CRACDL: variants seen among roughly 807,000 people sequenced by gnomAD.
The protein encoded by CRACDL is CRACD like.
A neutral mutation model predicts 70.6 loss-of-function variants in CRACDL; 26 were observed. That is an observed-to-expected ratio of 0.37 (90% CI 0.27 to 0.51). The LOEUF is 0.51. Among genes scored for constraint, CRACDL ranks in the 20% least tolerant of loss-of-function variants. The pLI, the probability that CRACDL is intolerant of heterozygous loss-of-function variation, is 0.94. For missense variants in CRACDL, 1,283 were observed against 1,376.9 expected, an observed-to-expected ratio of 0.93 and a Z score of 1.08; for synonymous variants, 618 against 615.2, an observed-to-expected ratio of 1.00 and a Z score of -0.07.
intron 1 of CRACDL, among the ~76,000 whole-genome samples, chr2:98,887,268 G>C (rs562245811): frequency 2.5e-4 from 38 of 152,216 alleles, no homozygotes; most frequent in African/African-American, 9.2e-4. Context: ...CAGGAGAATT[G>C]CTGGTCAGGA....
At position 98,843,584 on chromosome 2, in the gene CRACDL, T is replaced by C. The variant is rs1047352198; in HGVS notation, c.70+3147A>G. ...ATAATCTGTGAGGTATATTTGCATA[T>C]GAATGTCCAATTGTTACAGCACCAT... On this transcript the variant is annotated intron_variant, in intron 2 of 9. Coordinates refer to ENST00000397899, the MANE Select transcript of CRACDL (RefSeq NM_207362.3). 8.5e-5 allele frequency among the ~76,000 whole-genome samples: 13 copies of C among 152,362 alleles called. No homozygotes were observed. The South Asian group carries it at 2.7e-3, about 32-fold the overall frequency.
intron 6 of CRACDL, among the ~76,000 whole-genome samples, chr2:98,825,918 C>T (rs1158269239): frequency 6.6e-6 from 1 of 152,236 alleles, no homozygotes; most frequent in Admixed American, 6.5e-5. Context: ...CCTAGCCCAA[C>T]TGTCTCCAGC....
chr2:98,835,257 T>C (rs1361787932), intron 3 of CRACDL, among the ~76,000 whole-genome samples: 2 of 152,228 alleles, frequency 1.3e-5, no homozygotes, highest in Non-Finnish European at 2.9e-5. Context: ...CTATATCCAC[T>C]GGAAAGGTTT....
At chr2:98,902,090 C>A (rs1437141893) in intron 1 of CRACDL, among the ~76,000 whole-genome samples, 1 of 152,132 alleles carries the variant, frequency 6.6e-6, no homozygotes, top group African/African-American at 2.4e-5. Context: ...AGGGAACAAC[C>A]AGGGCTAGTG....
chr2:98,865,745 G>A (rs1175436101), intron 1 of CRACDL, among the ~76,000 whole-genome samples: 7 of 151,774 alleles, frequency 4.6e-5, no homozygotes, highest in Non-Finnish European at 8.8e-5. Flanking sequence ...CGTCAAGACC[G>A]GACCTCACTG....
intron 7 of CRACDL, 134 bp downstream of exon 7, chr2:98,821,723 G>A: frequency 8.5e-7 from 1 of 1,177,958 alleles, no homozygotes; most frequent in South Asian, 1.5e-5. Context: ...GATGTTAGTG[G>A]GAATTCTGAC....
At position 98,823,022 on chromosome 2, in the gene CRACDL, G is replaced by A. The variant is rs1397389696; in HGVS notation, c.1251C>T (p.Asp417=). ...AGGGCGCCTCTGAGGTGGCGGCGGG[G>A]TCAGTCTCGGGGGGAGTCGTGTCCC... is the stretch of plus-strand genomic sequence containing the variant. ...PEGDTTPPET[D]PAATSEAPSA... is the part of the protein sequence containing the mutation. The change falls in exon 7 of 10, where the codon GAC becomes GAT. Residue 417 remains aspartate (D), a synonymous_variant. Transcript: ENST00000397899. The surrounding 1 kb of genome is among the most constrained non-coding windows in gnomAD (Gnocchi z 4.0). The A allele has an allele frequency of 1.3e-6, 2 of 1,525,252 alleles. No homozygotes were observed. The highest frequency in any genetic ancestry group is 1.8e-6 in the Non-Finnish European group (2 of 1,136,776). The allele number at this position is 1,525,252 out of a possible 1,614,324, so 94.5% of individuals were successfully genotyped here.
At chr2:98,913,779 A>G (rs1708600793) in intron 1 of CRACDL, among the ~76,000 whole-genome samples, 1 of 152,244 alleles carries the variant, frequency 6.6e-6, no homozygotes, top group South Asian at 2.1e-4. Context: ...ATGAAGATTC[A>G]GGCAATCCTT....
chr2:98,917,840 A>G (rs544856210), intron 1 of CRACDL, among the ~76,000 whole-genome samples: 2 of 152,262 alleles, frequency 1.3e-5, no homozygotes. Flanking sequence ...ATGTATACGC[A>G]TTATTTCGCT....
chr2:98,800,845 A>G (rs1194283269), intron 7 of CRACDL, among the ~76,000 whole-genome samples: 2 of 152,212 alleles, frequency 1.3e-5, no homozygotes, highest in African/African-American at 2.4e-5. Context: ...CTTTCCTTAC[A>G]TCAGGAGCAT....
intron 1 of CRACDL, among the ~76,000 whole-genome samples, chr2:98,881,138 T>C (rs1285857046): frequency 6.6e-6 from 1 of 152,186 alleles, no homozygotes; most frequent in East Asian, 1.9e-4. Context: ...CTTTGGTTTC[T>C]ACCTGGAGGC....
chr2:98,932,181 T>C (rs1348885169), intron 1 of CRACDL, among the ~76,000 whole-genome samples: 1 of 152,174 alleles, frequency 6.6e-6, no homozygotes, highest in Non-Finnish European at 1.5e-5. Flanking sequence ...TGCAGGTATC[T>C]AGACAACAGA....
intron 1 of CRACDL, among the ~76,000 whole-genome samples, chr2:98,888,584 G>A (rs1442503001): frequency 6.6e-6 from 1 of 152,130 alleles, no homozygotes; most frequent in African/African-American, 2.4e-5. Flanking sequence ...CATCAAAGGA[G>A]CAATGGAGGA....
At chr2:98,916,716 T>C (rs1387739896) in intron 1 of CRACDL, among the ~76,000 whole-genome samples, 1 of 152,114 alleles carries the variant, frequency 6.6e-6, no homozygotes, top group East Asian at 1.9e-4. Flanking sequence ...TTTTTAATTT[T>C]AAAAGTTCTA....
intron 1 of CRACDL, among the ~76,000 whole-genome samples, chr2:98,922,626 G>C (rs933731859): frequency 2.0e-5 from 3 of 152,150 alleles, no homozygotes; most frequent in Non-Finnish European, 2.9e-5. Context: ...TCAAGCACAA[G>C]CTGCCTATGA....
intron 9 of CRACDL, among the ~76,000 whole-genome samples, chr2:98,795,081 T>TG (rs1703759425): frequency 9.9e-6 from 1 of 100,722 alleles, no homozygotes; most frequent in Non-Finnish European, 2.0e-5. Flanking sequence ...ATATATATTT[T>TG]TTTTTTTTTT....
chr2:98,921,599 C>T (rs1262960614), intron 1 of CRACDL, among the ~76,000 whole-genome samples: 1 of 152,236 alleles, frequency 6.6e-6, no homozygotes, highest in African/African-American at 2.4e-5. Flanking sequence ...TTTGAGAAAT[C>T]CATCCTTTCC....
intron 7 of CRACDL, among the ~76,000 whole-genome samples, chr2:98,805,941 T>C (rs375727676): frequency 3.9e-5 from 6 of 152,388 alleles, no homozygotes; most frequent in African/African-American, 1.4e-4. Flanking sequence ...CAAAAGCCAC[T>C]GCTGCTTTAA....
At chr2:98,935,336 C>T (rs966754222) in intron 1 of CRACDL, among the ~76,000 whole-genome samples, 18 of 152,194 alleles carry the variant, frequency 1.2e-4, no homozygotes, top group African/African-American at 4.3e-4. Context: ...AAGCAAGTGA[C>T]TATTATGCTC....
Sources: gnomAD v4.1 joint callset for allele counts (sites outside exome capture counted in the v4.1 genomes callset) on GRCh38, gnomAD v4.1.1 for gene constraint, Gnocchi (gnomAD v3.1) non-coding constraint, MANE v1.5 for transcripts, NCBI Gene and HGNC (gene_info 2026-07-23, HGNC 2026-07-21) for gene names.